PCDH9: variants seen among roughly 807,000 people sequenced by gnomAD.
The protein encoded by PCDH9 is protocadherin 9.
A neutral mutation model predicts 70.6 loss-of-function variants in PCDH9; 24 were observed. The observed-to-expected ratio is 0.34, with a 90% CI of 0.25 to 0.48. The LOEUF is 0.48. PCDH9 is among the 20% of genes least tolerant of loss of function. The pLI, the probability that PCDH9 is intolerant of heterozygous loss-of-function variation, is 0.99. For missense variants in PCDH9, 1,281 were observed against 1,503.6 expected, an observed-to-expected ratio of 0.85 and a Z score of 2.45; for synonymous variants, 562 against 558.5, an observed-to-expected ratio of 1.01 and a Z score of -0.09.
intron 3 of PCDH9, among the ~76,000 whole-genome samples, chr13:66,881,269 C>T (rs1416698748): frequency 2.0e-5 from 3 of 152,090 alleles, no homozygotes; most frequent in Non-Finnish European, 4.4e-5. Context: ...GGGCAATTTA[C>T]AAAAGAAAGA....
At chr13:66,887,723 C>T (rs1049243337) in intron 3 of PCDH9, among the ~76,000 whole-genome samples, 2 of 152,106 alleles carry the variant, frequency 1.3e-5, no homozygotes, top group African/African-American at 2.4e-5. Flanking sequence ...CCATTCATAT[C>T]TTTATTTCAC....
intron 2 of PCDH9, among the ~76,000 whole-genome samples, chr13:66,957,365 T>A (rs1033980692): frequency 6.6e-6 from 1 of 152,182 alleles, no homozygotes; most frequent in African/African-American, 2.4e-5. Context: ...AAGTTTCACA[T>A]AATCTGCAAA....
At chr13:67,132,346 C>A (rs2087129216) in intron 2 of PCDH9, among the ~76,000 whole-genome samples, 1 of 152,086 alleles carries the variant, frequency 6.6e-6, no homozygotes, top group African/African-American at 2.4e-5. Context: ...CCACCTGCAT[C>A]TTCCCCCATG....
At chr13:67,061,999 CT>C (rs1209160218) in intron 2 of PCDH9, among the ~76,000 whole-genome samples, 1 of 152,086 alleles carries the variant, frequency 6.6e-6, no homozygotes, top group Non-Finnish European at 1.5e-5. Context: ...ATTCTCATTA[CT>C]CCTGAATTTT....
intron 4 of PCDH9, among the ~76,000 whole-genome samples, chr13:66,347,452 T>G (rs1011396471): frequency 6.6e-6 from 1 of 152,154 alleles, no homozygotes; most frequent in Admixed American, 6.5e-5. Context: ...TAGGAAGAAA[T>G]GATTCTATCA....
intron 3 of PCDH9, among the ~76,000 whole-genome samples, chr13:66,786,859 A>T (rs1462340370): frequency 1.5e-4 from 23 of 152,220 alleles, no homozygotes; most frequent in Non-Finnish European, 1.0e-4. Flanking sequence ...GAGATAAAAA[A>T]ATTCTCATCA....
chr13:66,576,902 G>C (rs1477670086), intron 4 of PCDH9, among the ~76,000 whole-genome samples: 3 of 151,916 alleles, frequency 2.0e-5, no homozygotes, highest in Non-Finnish European at 2.9e-5. Context: ...TATCAGTGCA[G>C]TATATTTATT....
intron 2 of PCDH9, among the ~76,000 whole-genome samples, chr13:67,004,747 T>G (rs922811171): frequency 6.6e-6 from 1 of 152,078 alleles, no homozygotes; most frequent in Admixed American, 6.6e-5. Context: ...TTTCTTGAAT[T>G]GTGTTTCAGT....
chr13:66,797,915 A>G (rs766046771), intron 3 of PCDH9, among the ~76,000 whole-genome samples: 4 of 151,806 alleles, frequency 2.6e-5, no homozygotes, highest in Admixed American at 6.6e-5. Context: ...CAGGTCATAC[A>G]CACAGAATGC....
rs1415526648 is a variant in PCDH9 at position 66,737,966 on chromosome 13, A to G, written c.3139-106555T>C. ...GCTTGCTTAGGTAAACAAAGCAGCC[A>G]GGAAGCTCGAACTGGGTGGAGCCCA... On this transcript the variant is annotated intron_variant, in intron 3 of 4. Transcript: ENST00000377865. 1.5e-4 allele frequency among the ~76,000 whole-genome samples: 23 copies of G among 152,216 alleles called. No individual in the cohort carries two copies. The South Asian group carries it at 3.3e-3, about 22-fold the overall frequency.
intron 4 of PCDH9, among the ~76,000 whole-genome samples, chr13:66,541,027 C>T (rs866048262): frequency 6.6e-6 from 1 of 152,138 alleles, no homozygotes; most frequent in Admixed American, 6.6e-5. Flanking sequence ...GATTGGGTTA[C>T]AAGTTTTGTC....
chr13:66,660,555 G>A (rs944041054), intron 3 of PCDH9, among the ~76,000 whole-genome samples: 1 of 152,036 alleles, frequency 6.6e-6, no homozygotes, highest in Non-Finnish European at 1.5e-5. Flanking sequence ...AACTTCTTTG[G>A]TTGATGTTTT....
chr13:66,410,634 G>C (rs1466317276), intron 4 of PCDH9, among the ~76,000 whole-genome samples: 1 of 152,194 alleles, frequency 6.6e-6, no homozygotes, highest in African/African-American at 2.4e-5. Flanking sequence ...GCTCCTGCAG[G>C]ACAGAAATGT....
intron 3 of PCDH9, among the ~76,000 whole-genome samples, chr13:66,651,155 G>A (rs2077845736): frequency 6.6e-6 from 1 of 151,426 alleles, no homozygotes; most frequent in Non-Finnish European, 1.5e-5. Flanking sequence ...GTGAACCTAA[G>A]TTAGTAGAAG....
At chr13:67,177,826 G>A (rs1478112461) in intron 2 of PCDH9, among the ~76,000 whole-genome samples, 2 of 152,050 alleles carry the variant, frequency 1.3e-5, no homozygotes, top group East Asian at 3.8e-4. Context: ...ATCTCAGCAT[G>A]TCCAAAATTG....
At chr13:66,689,522 T>A (rs762681123) in intron 3 of PCDH9, among the ~76,000 whole-genome samples, 2 of 152,162 alleles carry the variant, frequency 1.3e-5, no homozygotes, top group Non-Finnish European at 2.9e-5. Context: ...ATTTGCTGTG[T>A]ACTTATTTAA....
At chr13:66,494,584 TCTCCATA>T (rs1202449462) in intron 4 of PCDH9, among the ~76,000 whole-genome samples, 1 of 152,062 alleles carries the variant, frequency 6.6e-6, no homozygotes, top group Admixed American at 6.6e-5. Flanking sequence ...TCTCTCACTC[TCTCCATA>T]CCCCCACCAT....
intron 2 of PCDH9, among the ~76,000 whole-genome samples, chr13:67,124,321 T>A (rs947367237): frequency 9.9e-5 from 15 of 152,274 alleles, no homozygotes; most frequent in African/African-American, 3.6e-4. Flanking sequence ...AGTGAGAGTA[T>A]ATTGAATGTA....
chr13:67,199,367 C>A (rs749968789), intron 2 of PCDH9, among the ~76,000 whole-genome samples: 1 of 151,690 alleles, frequency 6.6e-6, no homozygotes, highest in Admixed American at 6.6e-5. Context: ...CCTTCCCCTG[C>A]ACTCTATTCT....
Sources: gnomAD v4.1 joint callset for allele counts (sites outside exome capture counted in the v4.1 genomes callset) on GRCh38, gnomAD v4.1.1 for gene constraint, MANE v1.5 for transcripts, NCBI Gene and HGNC (gene_info 2026-07-23, HGNC 2026-07-21) for gene names.